Variants in STARD13 observed in about 807,000 individuals in gnomAD.
STARD13 encodes StAR related lipid transfer domain containing 13.
A neutral mutation model predicts 106.4 loss-of-function variants in STARD13; 62 were observed. That is an observed-to-expected ratio of 0.58 (90% CI 0.48 to 0.72). The LOEUF (loss-of-function observed/expected upper bound fraction) is 0.72, where lower values mean the gene tolerates loss of function less well. STARD13 is among the 30% of genes least tolerant of loss of function. The pLI, the probability that STARD13 is intolerant of heterozygous loss-of-function variation, is 0.00. For synonymous variants in STARD13, 565 were observed against 553.0 expected (o/e 1.02, Z -0.31); for missense variants, 1,387 against 1,424.0 (o/e 0.97, Z 0.42).
At chr13:33,540,381 T>C in the STARD13 span, among the ~76,000 whole-genome samples, 1 of 152,142 alleles carries the variant, frequency 6.6e-6, no homozygotes. Flanking sequence ...GAGACATTAT[T>C]AAGGAAAATA....
At chr13:33,306,653 A>G (rs1892915741) in intron 1 of STARD13, among the ~76,000 whole-genome samples, 1 of 152,208 alleles carries the variant, frequency 6.6e-6, no homozygotes, top group South Asian at 2.1e-4. Flanking sequence ...CAACCCCACT[A>G]AAAAGTGAGC....
chr13:33,502,469 C>T, the STARD13 span, among the ~76,000 whole-genome samples: 1 of 152,156 alleles, frequency 6.6e-6, no homozygotes, highest in East Asian at 1.9e-4. Flanking sequence ...TGCCAGTTTT[C>T]AAAGGGAATG....
chr13:33,499,589 TTCTTCTTCTTCTTCTTTC>T, the STARD13 span, among the ~76,000 whole-genome samples: 10 of 60,988 alleles, frequency 1.6e-4, no homozygotes, highest in East Asian at 5.4e-4. Context: ...CTTCTTCTTC[TTCTTCTTCTTCTTCTTTC>T]TTCTTCTTCT....
chr13:33,285,770 G>A (rs577547127), upstream of STARD13: 57 of 1,473,624 alleles, frequency 3.9e-5, 1 homozygote, highest in South Asian at 5.7e-4. Context: ...AGAAAGAGGA[G>A]TGCCAAAGCC....
At chr13:33,413,480 C>CAA in the STARD13 span, among the ~76,000 whole-genome samples, 1 of 152,072 alleles carries the variant, frequency 6.6e-6, no homozygotes, top group Non-Finnish European at 1.5e-5. Flanking sequence ...AGAGTTGGTT[C>CAA]TTTAAAATTG....
chr13:33,281,957 A>G (rs1051348860), intron 1 of STARD13, among the ~76,000 whole-genome samples: 6 of 152,162 alleles, frequency 3.9e-5, no homozygotes, highest in African/African-American at 1.4e-4. Context: ...TGAACCATAC[A>G]TTTAAAAATG....
At chr13:33,114,434 C>T (rs1204411839) in intron 8 of STARD13, among the ~76,000 whole-genome samples, 1 of 152,178 alleles carries the variant, frequency 6.6e-6, no homozygotes. Context: ...CTTCAGTGGT[C>T]TGAAACCCGT....
intron 1 of STARD13, among the ~76,000 whole-genome samples, chr13:33,242,619 C>A (rs1037518039): frequency 6.6e-6 from 1 of 152,130 alleles, no homozygotes; most frequent in African/African-American, 2.4e-5. Flanking sequence ...CTGCGGAAGG[C>A]GGCAGGGCCC....
chr13:33,453,597 G>A, the STARD13 span, among the ~76,000 whole-genome samples: 11 of 152,170 alleles, frequency 7.2e-5, no homozygotes, highest in Admixed American at 1.3e-4. Context: ...TGAAGTATAT[G>A]AGATAGTAAT....
At chr13:33,379,618 G>T in the STARD13 span, among the ~76,000 whole-genome samples, 1 of 152,220 alleles carries the variant, frequency 6.6e-6, no homozygotes, top group Non-Finnish European at 1.5e-5. Flanking sequence ...AGATAATACT[G>T]ATGTAGAAAT....
At chr13:33,460,679 T>A in the STARD13 span, among the ~76,000 whole-genome samples, 1 of 151,630 alleles carries the variant, frequency 6.6e-6, no homozygotes, top group African/African-American at 2.4e-5. Context: ...TAAAAGTCAT[T>A]AATATGCTAC....
At chr13:33,355,578 T>C (rs2078116700), upstream of STARD13, 1 of 152,142 alleles carries the variant, frequency 6.6e-6, no homozygotes, top group Non-Finnish European at 1.5e-5. Flanking sequence ...CTCTCGCAAC[T>C]CTCTCCCTGC....
intron 1 of STARD13, among the ~76,000 whole-genome samples, chr13:33,167,838 T>A (rs1364549476): frequency 6.6e-6 from 1 of 152,098 alleles, no homozygotes; most frequent in Non-Finnish European, 1.5e-5. Flanking sequence ...TAATCTTCAA[T>A]GTAGATCCAT....
At chr13:33,115,196 A>C (rs1274798026) in intron 8 of STARD13, among the ~76,000 whole-genome samples, 1 of 152,232 alleles carries the variant, frequency 6.6e-6, no homozygotes, top group Non-Finnish European at 1.5e-5. Context: ...AATTTAGTTC[A>C]TCATTTGACA....
chr13:33,381,475 C>T, the STARD13 span, among the ~76,000 whole-genome samples: 1 of 152,154 alleles, frequency 6.6e-6, no homozygotes, highest in Non-Finnish European at 1.5e-5. Context: ...CACGGTAGCT[C>T]ATGCCTGTAA....
Position 33,202,770 on chromosome 13 carries a change from C to G in STARD13, c.170-35148G>C, listed in dbSNP as rs573670150. On this transcript the variant is annotated intron_variant, in intron 1 of 13. Coordinates refer to ENST00000336934, the MANE Select transcript of STARD13 (RefSeq NM_178006.4). ...AGCAGAGCACAGGGACAGAACTGGG[C>G]AGAGCGTGGAGGTGTGAAAACATGG... 1.2e-4 allele frequency among the ~76,000 whole-genome samples: 18 copies of G among 152,108 alleles called. No homozygotes were observed. In the South Asian group the frequency reaches 3.3e-3, roughly 28 times the overall value.
the STARD13 span, among the ~76,000 whole-genome samples, chr13:33,457,986 G>T: frequency 6.6e-6 from 1 of 152,180 alleles, no homozygotes; most frequent in Non-Finnish European, 1.5e-5. Context: ...ACATGGAGAA[G>T]CCATGATACA....
the STARD13 span, among the ~76,000 whole-genome samples, chr13:33,578,787 TCAAA>T: frequency 2.0e-5 from 3 of 151,960 alleles, no homozygotes; most frequent in Non-Finnish European, 4.4e-5. Flanking sequence ...TACAAGGAAC[TCAAA>T]CAAATCAGCA....
intron 1 of STARD13, among the ~76,000 whole-genome samples, chr13:33,241,589 G>C (rs945575178): frequency 6.9e-5 from 8 of 115,838 alleles, no homozygotes; most frequent in East Asian, 3.0e-4. Flanking sequence ...CTCTGATGCC[G>C]AGCCGAGGCT....
Sources: allele counts gnomAD v4.1 joint callset (sites outside exome capture counted in the v4.1 genomes callset), GRCh38; gene constraint gnomAD v4.1.1; transcripts MANE v1.5; gene names NCBI Gene and HGNC (gene_info 2026-07-23, HGNC 2026-07-21).